Variants in SGCD observed in about 807,000 individuals in gnomAD.
The protein encoded by SGCD is delta-sarcoglycan.
In SGCD, 18 loss-of-function variants were observed where a neutral mutation model predicts 36.6. That is an observed-to-expected ratio of 0.49 (90% CI 0.34 to 0.73). The LOEUF (loss-of-function observed/expected upper bound fraction) is 0.73, where lower values mean the gene tolerates loss of function less well. SGCD is among the 30% of genes least tolerant of loss of function. SGCD has a pLI of 0.01. For missense variants in SGCD, 387 were observed against 346.7 expected, an observed-to-expected ratio of 1.12 and a Z score of -0.92; for synonymous variants, 133 against 130.6, an observed-to-expected ratio of 1.02 and a Z score of -0.12.
chr5:155,924,901 C>T (rs966335414), intron 1 of SGCD, among the ~76,000 whole-genome samples: 8 of 152,146 alleles, frequency 5.3e-5, no homozygotes, highest in African/African-American at 1.9e-4. Flanking sequence ...ATATTGCAGT[C>T]ACTCTCTGAA....
At chr5:156,244,021 A>G (rs565006558) in intron 3 of SGCD, among the ~76,000 whole-genome samples, 4 of 152,226 alleles carry the variant, frequency 2.6e-5, no homozygotes, top group Non-Finnish European at 5.9e-5. Flanking sequence ...GTCACATGAC[A>G]GTGAAGAAGC....
intron 1 of SGCD, among the ~76,000 whole-genome samples, chr5:156,012,496 G>A (rs1758881078): frequency 6.6e-6 from 1 of 152,110 alleles, no homozygotes. Flanking sequence ...AGTCAGTGAT[G>A]ACATTTTAGT....
chr5:156,470,613 G>A (rs888989436), intron 3 of SGCD, among the ~76,000 whole-genome samples: 3 of 151,908 alleles, frequency 2.0e-5, no homozygotes, highest in Admixed American at 2.0e-4. Context: ...TTGTCCTTGC[G>A]ATAGTTTACT....
chr5:155,810,795 C>CTTTTTTTT, the SGCD span, among the ~76,000 whole-genome samples: 6 of 35,334 alleles, frequency 1.7e-4, no homozygotes, highest in Non-Finnish European at 3.1e-4. Flanking sequence ...TTAGTGTCTG[C>CTTTTTTTT]TTTTTTTTTT....
chr5:156,478,063 T>C (rs1360666325), intron 3 of SGCD, among the ~76,000 whole-genome samples: 1 of 151,976 alleles, frequency 6.6e-6, no homozygotes, highest in East Asian at 1.9e-4. Flanking sequence ...GGGAGCTGGG[T>C]GCTGGAGTCA....
At chr5:156,620,828 A>G (rs181983820) in intron 6 of SGCD, among the ~76,000 whole-genome samples, 2 of 152,330 alleles carry the variant, frequency 1.3e-5, no homozygotes, top group Admixed American at 1.3e-4. Flanking sequence ...ATTAAGGAAT[A>G]TCTCAGGGTT....
intron 7 of SGCD, among the ~76,000 whole-genome samples, chr5:156,756,589 A>G (rs1170204731): frequency 1.3e-5 from 2 of 152,202 alleles, no homozygotes; most frequent in Non-Finnish European, 2.9e-5. Flanking sequence ...GTTGAGTTTC[A>G]GTTAATGTTT....
chr5:156,175,519 C>T (rs1391608326), intron 3 of SGCD, among the ~76,000 whole-genome samples: 1 of 152,078 alleles, frequency 6.6e-6, no homozygotes, highest in East Asian at 1.9e-4. Context: ...TTTATCAATC[C>T]CATTCTTTAC....
intron 3 of SGCD, among the ~76,000 whole-genome samples, chr5:156,424,210 A>G (rs76986532): frequency 0.026 from 3,916 of 152,028 alleles, 188 homozygotes; most frequent in African/African-American, 0.089. Flanking sequence ...TCTTGTATGC[A>G]TGTATCTAAT....
chr5:155,955,806 G>A (rs1047128889), intron 1 of SGCD, among the ~76,000 whole-genome samples: 3 of 152,062 alleles, frequency 2.0e-5, no homozygotes, highest in African/African-American at 7.2e-5. Context: ...TCAACTAATA[G>A]TTGCCTCTTA....
At chr5:155,827,377 T>C in the SGCD span, among the ~76,000 whole-genome samples, 1 of 152,190 alleles carries the variant, frequency 6.6e-6, no homozygotes, top group Non-Finnish European at 1.5e-5. Flanking sequence ...GTTTCTTGTA[T>C]GGTGTCCACT....
chr5:156,556,348 T>C (rs1024906483), intron 4 of SGCD, among the ~76,000 whole-genome samples: 1 of 152,134 alleles, frequency 6.6e-6, no homozygotes, highest in African/African-American at 2.4e-5. Context: ...CTAGAAATCT[T>C]TTTTGCAATT....
intron 3 of SGCD, among the ~76,000 whole-genome samples, chr5:156,300,767 T>C (rs1767033033): frequency 6.6e-6 from 1 of 152,094 alleles, no homozygotes; most frequent in African/African-American, 2.4e-5. Flanking sequence ...AGTTCTAATA[T>C]TATTTGCTTT....
At chr5:155,881,147 A>G (rs569260654) in intron 1 of SGCD, among the ~76,000 whole-genome samples, 2 of 152,214 alleles carry the variant, frequency 1.3e-5, no homozygotes, top group South Asian at 2.1e-4. Flanking sequence ...CTGATTTTCA[A>G]TCTATCACAA....
At chr5:156,111,059 C>G (rs1761772275) in intron 1 of SGCD, among the ~76,000 whole-genome samples, 2 of 152,132 alleles carry the variant, frequency 1.3e-5, no homozygotes, top group Non-Finnish European at 2.9e-5. Flanking sequence ...TAAACAAGCT[C>G]TAAAACATCC....
chr5:155,868,582 G>A (rs746109632), upstream of SGCD, among the ~76,000 whole-genome samples: 1 of 151,874 alleles, frequency 6.6e-6, no homozygotes, highest in Non-Finnish European at 1.5e-5. Flanking sequence ...AGAAGCAGTT[G>A]GCAAGAAATG....
At chr5:155,843,389 G>T in the SGCD span, among the ~76,000 whole-genome samples, 2 of 151,272 alleles carry the variant, frequency 1.3e-5, no homozygotes, top group Non-Finnish European at 2.9e-5. Flanking sequence ...TTACTAGGAT[G>T]ACTCTCACTT....
At chr5:155,791,340 G>A in the SGCD span, among the ~76,000 whole-genome samples, 3 of 151,958 alleles carry the variant, frequency 2.0e-5, no homozygotes, top group South Asian at 2.1e-4. Flanking sequence ...CATTCCTCTC[G>A]AGAACTGAAA....
At chr5:156,449,852 C>CAA (rs10548772) in intron 3 of SGCD, among the ~76,000 whole-genome samples, 910 of 67,754 alleles carry the variant, frequency 0.013, 24 homozygotes, top group African/African-American at 0.044. Context: ...AACTCCATCT[C>CAA]AAAAAAAAAA....
Sources: gnomAD v4.1 joint callset for allele counts (sites outside exome capture counted in the v4.1 genomes callset) on GRCh38, gnomAD v4.1.1 for gene constraint, MANE v1.5 for transcripts, NCBI Gene and HGNC (gene_info 2026-07-23, HGNC 2026-07-21) for gene names.